Variants in ZNF721 observed in about 807,000 individuals in gnomAD.
The protein encoded by ZNF721 is zinc finger protein 721.
ZNF721 carries 2 observed loss-of-function variants against 2.4 expected under a neutral mutation model. The observed-to-expected ratio is 0.82, with a 90% CI of 0.34 to 2.58. The LOEUF is 2.58. Among genes scored for constraint, ZNF721 ranks in the 30% most tolerant of loss-of-function variants. ZNF721 has a pLI of 0.11. For missense variants in ZNF721, 1,187 were observed against 1,085.5 expected (o/e 1.09, Z -1.31); for synonymous variants, 398 against 381.8 (o/e 1.04, Z -0.50).
At chr4:480,365 T>G (rs995859470) in intron 1 of ZNF721, among the ~76,000 whole-genome samples, 3 of 152,240 alleles carry the variant, frequency 2.0e-5, no homozygotes, top group Non-Finnish European at 1.5e-5. Context: ...GAACACTTTC[T>G]TATGCTGACT....
At chr4:471,897 T>C (rs1715448117) in intron 2 of ZNF721, among the ~76,000 whole-genome samples, 1 of 152,182 alleles carries the variant, frequency 6.6e-6, no homozygotes, top group South Asian at 2.1e-4. Context: ...TAAACAATTT[T>C]TATTTAACAG....
Position 448,441 on chromosome 4 carries a change from CCA to C in ZNF721, c.35-4011_35-4010del, listed in dbSNP as rs1491158110. Among the ~76,000 whole-genome samples, 611 of 141,324 alleles carry C rather than the reference CCA, an allele frequency of 4.3e-3. 5 individuals are homozygous for C. The highest frequency in any genetic ancestry group is 0.015 in the African/African-American group (580 of 39,572). 92.7% of individuals were successfully genotyped at this position (141,324 alleles called of 152,430 possible). A position where few individuals can be genotyped will look rare whatever the true frequency, so the allele number is the denominator to read the frequency against. On this transcript the variant is annotated intron_variant, in intron 2 of 2. Coordinates refer to ENST00000511833, the MANE Select transcript of ZNF721 (RefSeq NM_133474.4). Reference sequence around the variant, plus strand: ...ACAGAGCAGGAATCCGTATCCCCCCCCAAAAAAAAAAAAAAATTACATACTTA... The same window carrying C: ...ACAGAGCAGGAATCCGTATCCCCCCCAAAAAAAAAAAAAATTACATACTTA...
chr4:442,167 T>C lies in ZNF721; in HGVS notation c.2300A>G (p.His767Arg). Residue 767 changes from histidine (H) to arginine (R), a missense_variant, in exon 3 of 3, where the codon CAC becomes CGC. His to Arg is a conservative substitution (Grantham distance 29, BLOSUM62 0). Coordinates refer to ENST00000511833, the MANE Select transcript of ZNF721 (RefSeq NM_133474.4). ...ATGAATTTTCTCATGTCTATTCAGG[T>C]GTGAGGACTGTTTAAACACTTTCCC... is the stretch of plus-strand genomic sequence containing the variant. Reference protein sequence around the residue: ...ECGKVFKQSSHLNRHEKIHTG... With the variant: ...ECGKVFKQSSRLNRHEKIHTG... 6.2e-7 allele frequency: 1 copy of C among 1,612,902 alleles called. No homozygotes were observed. Among genetic ancestry groups the C allele is most frequent in the Non-Finnish European group, 8.5e-7 (1 of 1,179,186 alleles).
At position 441,176 on chromosome 4, in the gene ZNF721, C is replaced by T. The variant is rs944095434; in HGVS notation, c.*519G>A. On this transcript the variant is annotated 3_prime_UTR_variant, in exon 3 of 3. Transcript: ENST00000511833. ...TATCTTTGTATTCTCTGTCTTAAGA[C>T]TATTCTTCACTTTAATGGCCTATAT... The T allele has an allele frequency of 2.0e-5, 3 of 149,388 alleles. No homozygotes were observed. Among genetic ancestry groups the T allele is most frequent in the African/African-American group, 8.1e-5 (3 of 37,248 alleles). The allele number at this position is 149,388 out of a possible 1,614,324, so 9.3% of individuals were successfully genotyped here. A position where few individuals can be genotyped will look rare whatever the true frequency, so the allele number is the denominator to read the frequency against.
At chr4:463,812 C>T (rs1402899309) in intron 2 of ZNF721, among the ~76,000 whole-genome samples, 3 of 151,942 alleles carry the variant, frequency 2.0e-5, no homozygotes, top group South Asian at 2.1e-4. Context: ...ATGTAGATGA[C>T]GGGTTGATGG....
At chr4:456,690 C>G (rs1385691698) in intron 2 of ZNF721, among the ~76,000 whole-genome samples, 1 of 152,120 alleles carries the variant, frequency 6.6e-6, no homozygotes, top group East Asian at 1.9e-4. Context: ...ACCATTCTGG[C>G]TAACATGGTG....
intron 2 of ZNF721, among the ~76,000 whole-genome samples, chr4:456,405 A>G (rs1420830642): frequency 5.9e-5 from 9 of 152,204 alleles, no homozygotes; most frequent in African/African-American, 2.2e-4. Context: ...GGTAAGGGCA[A>G]TATTTATAAA....
intron 1 of ZNF721, among the ~76,000 whole-genome samples, chr4:477,808 A>G (rs1715670909): frequency 2.0e-5 from 3 of 152,206 alleles, no homozygotes. Context: ...TGCGGGCACA[A>G]TAAATATGGA....
intron 2 of ZNF721, among the ~76,000 whole-genome samples, chr4:467,924 CAGG>C (rs1394545910): frequency 6.6e-6 from 1 of 151,946 alleles, no homozygotes; most frequent in Middle Eastern, 3.2e-3. Flanking sequence ...ATCAGGAGGT[CAGG>C]AGATCAAGAC....
At chr4:498,726 CTT>C (rs1180549953) in intron 1 of ZNF721, among the ~76,000 whole-genome samples, 11 of 132,518 alleles carry the variant, frequency 8.3e-5, no homozygotes, top group Non-Finnish European at 6.4e-5. Flanking sequence ...GTTGAATTTT[CTT>C]TTTTTTTTTT....
chr4:442,182 A>C lies in ZNF721; in HGVS notation c.2285T>G (p.Phe762Cys). The change falls in exon 3 of 3, where the codon TTT becomes TGT. Residue 762 changes from phenylalanine to cysteine, a missense_variant. Phe to Cys is a radical substitution (Grantham distance 205, BLOSUM62 -2). Coordinates refer to ENST00000511833, the MANE Select transcript of ZNF721 (RefSeq NM_133474.4). ...LYKCKECGKV[F>C]KQSSHLNRHE... ...TCTATTCAGGTGTGAGGACTGTTTA[A>C]ACACTTTCCCACATTCTTTACATTT... The C allele has an allele frequency of 6.2e-7, 1 of 1,612,544 alleles. No homozygotes were observed. The highest frequency in any genetic ancestry group is 1.3e-5 in the African/African-American group (1 of 75,052).
chr4:462,475 A>G (rs1553866230), intron 2 of ZNF721, among the ~76,000 whole-genome samples: 1 of 152,240 alleles, frequency 6.6e-6, no homozygotes, highest in African/African-American at 2.4e-5. Context: ...ACAAAGCTGG[A>G]GGCATCAAGA....
At chr4:465,091 A>AAC (rs1715202391) in intron 2 of ZNF721, among the ~76,000 whole-genome samples, 1 of 151,248 alleles carries the variant, frequency 6.6e-6, no homozygotes, top group South Asian at 2.1e-4. Context: ...TTAAAAAAAA[A>AAC]AAAAACAGCA....
chr4:468,657 A>C (rs782798724), intron 2 of ZNF721, among the ~76,000 whole-genome samples: 1 of 152,136 alleles, frequency 6.6e-6, no homozygotes. Context: ...CACACAGCAG[A>C]CCCAGCAGCA....
At chr4:454,201 C>T (rs1270739801) in intron 2 of ZNF721, 1 of 152,260 alleles carries the variant, frequency 6.6e-6, no homozygotes, top group Admixed American at 6.5e-5. Context: ...GTGATACCTG[C>T]CCCTACAATG....
chr4:464,061 C>T (rs1422900168), intron 2 of ZNF721, among the ~76,000 whole-genome samples: 1 of 152,036 alleles, frequency 6.6e-6, no homozygotes, highest in Non-Finnish European at 1.5e-5. Context: ...AAAGAGAAAT[C>T]ATTAAGAAGG....
rs56819697 is a variant in ZNF721, at chr4:466,298, A to C, written c.34+6277T>G. Among the ~76,000 whole-genome samples the C allele has an allele frequency of 5.6e-3, 853 of 152,272 alleles. 11 individuals are homozygous for C. The highest frequency in any genetic ancestry group is 0.019 in the African/African-American group (773 of 41,572). On this transcript the variant is annotated intron_variant, in intron 2 of 2. Coordinates refer to ENST00000511833, the MANE Select transcript of ZNF721 (RefSeq NM_133474.4). ...ATCCAGTACCTTTACTTTCCTTTGAAACTGGTAAGGTTAAAATGGGGGGAA... is the reference window on the plus strand; with the variant it reads ...ATCCAGTACCTTTACTTTCCTTTGACACTGGTAAGGTTAAAATGGGGGGAA...
In ZNF721 at chr4:495,041, C is replaced by T. The variant is rs570789953; in HGVS notation, c.-94+4015G>A. On this transcript the variant is annotated intron_variant, in intron 1 of 2. Transcript: ENST00000511833. ...GGGACTACAGGCGCCGGCCACCATG[C>T]CCGGCTAATTTTTCGTATTTTTAAT... Among the ~76,000 whole-genome samples the T allele has an allele frequency of 9.2e-5, 14 of 152,012 alleles. No homozygotes were observed. The East Asian group carries it at 2.5e-3, about 27-fold the overall frequency.
intron 1 of ZNF721, among the ~76,000 whole-genome samples, chr4:473,421 G>T (rs1422748053): frequency 2.6e-5 from 4 of 152,094 alleles, no homozygotes; most frequent in Admixed American, 1.3e-4. Context: ...GATGCCACTC[G>T]GGAGCAGCCA....
Sources: gnomAD v4.1 joint callset for allele counts (sites outside exome capture counted in the v4.1 genomes callset) on GRCh38, gnomAD v4.1.1 for gene constraint, MANE v1.5 for transcripts, NCBI Gene and HGNC (gene_info 2026-07-23, HGNC 2026-07-21) for gene names.